Variants in CNIH3 observed in about 807,000 individuals in gnomAD.
CNIH3 encodes protein cornichon homolog 3.
CNIH3 carries 14 observed loss-of-function variants against 24.1 expected under a neutral mutation model. The observed-to-expected ratio is 0.58, with a 90% confidence interval of 0.38 to 0.91. The LOEUF is 0.91. CNIH3 is among the 40% of genes least tolerant of loss of function. The pLI is 0.00. For synonymous variants in CNIH3, 68 were observed against 73.8 expected (o/e 0.92, Z 0.40); for missense variants, 178 against 196.8 (o/e 0.90, Z 0.57).
chr1:224,698,540 A>G (rs1218486538), intron 3 of CNIH3, among the ~76,000 whole-genome samples: 1 of 152,206 alleles, frequency 6.6e-6, no homozygotes, highest in Non-Finnish European at 1.5e-5. Flanking sequence ...CTTCTGAGAG[A>G]AACTGTAGAA....
At chr1:224,510,039 C>T (rs1164262650) in intron 1 of CNIH3, among the ~76,000 whole-genome samples, 3 of 152,182 alleles carry the variant, frequency 2.0e-5, no homozygotes, top group Non-Finnish European at 4.4e-5. Context: ...AGTCTGCTTC[C>T]CGTGGGCTCC....
chr1:224,567,512 A>T (rs930521333), intron 4 of CNIH3, among the ~76,000 whole-genome samples: 6 of 152,218 alleles, frequency 3.9e-5, no homozygotes, highest in African/African-American at 9.6e-5. Context: ...TGAGCAGATC[A>T]CTATCTTTAC....
chr1:224,510,614 A>AAAC (rs1553260218), intron 1 of CNIH3, among the ~76,000 whole-genome samples: 15 of 149,442 alleles, frequency 1.0e-4, no homozygotes, highest in African/African-American at 3.5e-4. Context: ...AAAAACAAAA[A>AAAC]AAAAACAAAA....
chr1:224,670,649 G>A (rs1175447545), intron 1 of CNIH3, among the ~76,000 whole-genome samples: 9 of 152,168 alleles, frequency 5.9e-5, no homozygotes, highest in African/African-American at 2.2e-4. Flanking sequence ...CCAACTTGCT[G>A]TAAGGCAGCT....
intron 1 of CNIH3, among the ~76,000 whole-genome samples, chr1:224,638,323 C>T (rs1684192571): frequency 6.6e-6 from 1 of 152,258 alleles, no homozygotes; most frequent in Non-Finnish European, 1.5e-5. Flanking sequence ...AGGATGTTGA[C>T]AGGGTTTTGG....
chr1:224,501,762 G>A (rs1426122904), intron 1 of CNIH3, among the ~76,000 whole-genome samples: 1 of 151,964 alleles, frequency 6.6e-6, no homozygotes, highest in East Asian at 1.9e-4. Flanking sequence ...TTGTATTTTA[G>A]TAGAGACGGG....
At position 224,498,435 on chromosome 1, in the gene CNIH3, T is replaced by G. The variant is rs1677522201; in HGVS notation, n.204-17306T>G. Among the ~76,000 whole-genome samples, 3 of 152,168 alleles carry G rather than the reference T, an allele frequency of 2.0e-5. No homozygotes were observed. In the South Asian group the frequency reaches 6.2e-4, roughly 31 times the overall value. ...AAAGTCAAAAGCTTATATGCAACTCTCTGGATTGGAAACCACTGGGGTGTT... is the reference window on the plus strand; with the variant it reads ...AAAGTCAAAAGCTTATATGCAACTCGCTGGATTGGAAACCACTGGGGTGTT... On this transcript the variant is annotated intron_variant and non_coding_transcript_variant, in intron 1 of 5. Transcript: ENST00000471578.
intron 1 of CNIH3, among the ~76,000 whole-genome samples, chr1:224,668,784 G>A (rs1027913333): frequency 4.6e-5 from 7 of 152,114 alleles, no homozygotes; most frequent in Non-Finnish European, 8.8e-5. Context: ...GCCAGAGGAC[G>A]CACAAGTTTG....
chr1:224,449,478 G>A (rs979011059), intron 1 of CNIH3, among the ~76,000 whole-genome samples: 9 of 151,892 alleles, frequency 5.9e-5, no homozygotes, highest in East Asian at 3.9e-4. Flanking sequence ...ATTTGTTGCC[G>A]TCACTGCTAC....
At chr1:224,721,521 C>T (rs1258122950) in intron 3 of CNIH3, among the ~76,000 whole-genome samples, 6 of 152,214 alleles carry the variant, frequency 3.9e-5, no homozygotes, top group Admixed American at 3.9e-4. Flanking sequence ...CGCTTTTATT[C>T]TCATCTCCTC....
At chr1:224,633,775 C>T (rs929570797) in intron 1 of CNIH3, among the ~76,000 whole-genome samples, 23 of 152,192 alleles carry the variant, frequency 1.5e-4, no homozygotes, top group African/African-American at 5.5e-4. Flanking sequence ...GAGAATTCTC[C>T]AGAGGAAATC....
At chr1:224,617,679 A>G (rs1438670137) in intron 1 of CNIH3, among the ~76,000 whole-genome samples, 2 of 152,238 alleles carry the variant, frequency 1.3e-5, no homozygotes, top group African/African-American at 4.8e-5. Context: ...GGTTGCATTT[A>G]GATATAATTG....
intron 3 of CNIH3, among the ~76,000 whole-genome samples, chr1:224,711,271 CT>C (rs1688126825): frequency 6.6e-6 from 1 of 151,698 alleles, no homozygotes; most frequent in Non-Finnish European, 1.5e-5. Context: ...TCATCTCTTC[CT>C]TTTCATTCCT....
chr1:224,450,616 A>G (rs1383915362), intron 1 of CNIH3, among the ~76,000 whole-genome samples: 1 of 152,250 alleles, frequency 6.6e-6, no homozygotes, highest in Admixed American at 6.5e-5. Flanking sequence ...CCTCTAAGGG[A>G]GATAGAACCG....
At chr1:224,535,519 CTAA>C (rs1294378350) in intron 2 of CNIH3, among the ~76,000 whole-genome samples, 2 of 152,224 alleles carry the variant, frequency 1.3e-5, no homozygotes, top group Non-Finnish European at 2.9e-5. Context: ...GTTTCATTTT[CTAA>C]TGTTACTGTA....
chr1:224,621,969 A>G (rs1683303986), intron 1 of CNIH3, among the ~76,000 whole-genome samples: 1 of 152,136 alleles, frequency 6.6e-6, no homozygotes, highest in Non-Finnish European at 1.5e-5. Context: ...ATGGTTTTAT[A>G]AAGGGCAGTT....
intron 1 of CNIH3, among the ~76,000 whole-genome samples, chr1:224,619,575 A>C (rs552810597): frequency 1.3e-5 from 2 of 152,250 alleles, no homozygotes; most frequent in East Asian, 3.9e-4. Context: ...TGGTTCCTGA[A>C]CATTGAACTG....
At chr1:224,445,593 A>G (rs1019973160) in intron 1 of CNIH3, among the ~76,000 whole-genome samples, 42 of 149,254 alleles carry the variant, frequency 2.8e-4, no homozygotes, top group Non-Finnish European at 3.8e-4. Context: ...AAAAAAAAAA[A>G]AAAGAAAGAT....
chr1:224,530,878 G>A (rs956987880), intron 2 of CNIH3, among the ~76,000 whole-genome samples: 3 of 152,202 alleles, frequency 2.0e-5, no homozygotes, highest in African/African-American at 4.8e-5. Flanking sequence ...GATTATAGGC[G>A]TGAGCCACTG....
Sources: allele counts gnomAD v4.1 joint callset (sites outside exome capture counted in the v4.1 genomes callset), GRCh38; gene constraint gnomAD v4.1.1; transcripts MANE v1.5; gene names NCBI Gene and HGNC (gene_info 2026-07-23, HGNC 2026-07-21).